The following ADAM10 variants were observed in gnomAD, a reference collection of about 807,000 sequenced individuals.
The protein encoded by ADAM10 is disintegrin and metalloproteinase domain-containing protein 10.
Under a neutral mutation model 90.1 loss-of-function variants are expected in ADAM10, and 17 were observed. That is an observed-to-expected ratio of 0.19 (90% CI 0.13 to 0.28). The LOEUF (loss-of-function observed/expected upper bound fraction) is 0.28, where lower values mean the gene tolerates loss of function less well. Among genes scored for constraint, ADAM10 ranks in the 10% least tolerant of loss-of-function variants. ADAM10 has a pLI of 1.00. For missense variants in ADAM10, 610 were observed against 914.3 expected (o/e 0.67, Z 4.29); for synonymous variants, 310 against 298.6 (o/e 1.04, Z -0.40).
At chr15:58,655,344 C>T (rs1331742679) in intron 5 of ADAM10, 1 of 154,090 alleles carries the variant, frequency 6.5e-6, no homozygotes, top group African/African-American at 2.4e-5. Context: ...TCTCAGGAAG[C>T]TTATAAGCAT....
Position 58,694,474 on chromosome 15 carries a change from G to T in ADAM10, c.207-12160C>A, listed in dbSNP as rs1287331482. Among the ~76,000 whole-genome samples, 4 of 151,922 alleles carry T rather than the reference G, an allele frequency of 2.6e-5. No homozygotes were observed. In the East Asian group the frequency reaches 7.7e-4, roughly 29 times the overall value. On this transcript the variant is annotated intron_variant, in intron 2 of 15. Coordinates refer to ENST00000260408, the MANE Select transcript of ADAM10 (RefSeq NM_001110.4). ...TCAAAACAAAAACAAAAACAAACAA[G>T]GCCAGGCGAGTTGGCTAGTGCCTGT...
chr15:58,701,446 C>T (rs570190031), intron 2 of ADAM10, among the ~76,000 whole-genome samples: 1 of 152,278 alleles, frequency 6.6e-6, no homozygotes, highest in South Asian at 2.1e-4. Context: ...TATCATCTTA[C>T]CGCAGTTAGA....
At chr15:58,715,699 A>G (rs1407169320) in intron 2 of ADAM10, among the ~76,000 whole-genome samples, 4 of 152,164 alleles carry the variant, frequency 2.6e-5, no homozygotes, top group Non-Finnish European at 5.9e-5. Flanking sequence ...GGACAACTAC[A>G]TGGCAGCCCA....
chr15:58,621,513 G>A lies in ADAM10; in HGVS notation c.1469C>T (p.Pro490Leu), dbSNP rs766141745. The A allele has an allele frequency of 2.5e-6, 4 of 1,613,898 alleles. No homozygotes were observed. In the African/African-American group the frequency reaches 4.0e-5, roughly 16 times the overall value. ...KDECCFDANQ[P>L]EGRKCKLKPG... ...TTTCAGTTTGCATTTTCTTCCCTCT[G>A]GTTGATTTGCATCGAAGCAGCATTC... The change falls in exon 11 of 16, where the codon CCA becomes CTA. Residue 490 changes from proline (P) to leucine (L), a missense_variant. Pro to Leu is a moderately conservative substitution (Grantham distance 98, BLOSUM62 -3). Transcript: ENST00000260408.
chr15:58,748,404 TTTAAG>T (rs1899859442), intron 1 of ADAM10: 1 of 152,328 alleles, frequency 6.6e-6, no homozygotes, highest in Non-Finnish European at 1.5e-5. Context: ...CCTTGAGGTT[TTTAAG>T]TTTACTCTGG....
intron 2 of ADAM10, among the ~76,000 whole-genome samples, chr15:58,697,245 G>C (rs1039651379): frequency 6.6e-6 from 1 of 152,270 alleles, no homozygotes; most frequent in Admixed American, 6.5e-5. Flanking sequence ...CCTGAGGACA[G>C]ACTACCCTGC....
intron 14 of ADAM10, among the ~76,000 whole-genome samples, chr15:58,606,555 T>TAA (rs1459845576): frequency 6.6e-6 from 1 of 152,238 alleles, no homozygotes; most frequent in Non-Finnish European, 1.5e-5. Flanking sequence ...TCTTTGTTGT[T>TAA]AAAGTTTCAT....
intron 4 of ADAM10, 92 bp downstream of exon 4, chr15:58,679,032 A>G: frequency 7.8e-7 from 1 of 1,280,974 alleles, no homozygotes; most frequent in Non-Finnish European, 1.1e-6. Flanking sequence ...TAACTCAGGA[A>G]AGAAAACAGC....
chr15:58,735,144 C>A (rs1212689430), intron 1 of ADAM10, among the ~76,000 whole-genome samples: 1 of 152,174 alleles, frequency 6.6e-6, no homozygotes, highest in Non-Finnish European at 1.5e-5. Flanking sequence ...ACAGCTTGGC[C>A]TCTGACCCAC....
intron 2 of ADAM10, among the ~76,000 whole-genome samples, chr15:58,687,427 C>T (rs1175727195): frequency 6.6e-6 from 1 of 151,954 alleles, no homozygotes; most frequent in East Asian, 1.9e-4. Flanking sequence ...AACATAAAAA[C>T]ATTACAACCT....
chr15:58,659,485 C>G (rs1439607191), intron 5 of ADAM10, among the ~76,000 whole-genome samples: 1 of 151,972 alleles, frequency 6.6e-6, no homozygotes, highest in Non-Finnish European at 1.5e-5. Flanking sequence ...GGGTTTCATC[C>G]TTTATTATGT....
chr15:58,693,386 A>G (rs376610397), intron 2 of ADAM10, among the ~76,000 whole-genome samples: 2 of 152,352 alleles, frequency 1.3e-5, no homozygotes, highest in South Asian at 2.1e-4. Flanking sequence ...ATAAAGCTAC[A>G]GTAACCAAAC....
rs756113822 is a variant in ADAM10, at chr15:58,611,158, A to G, written c.1696-51T>C. 5.2e-6 allele frequency: 7 copies of G among 1,348,260 alleles called. No homozygotes were observed. In the South Asian group the frequency reaches 5.9e-5, roughly 11 times the overall value. 83.5% of individuals were successfully genotyped at this position (1,348,260 alleles called of 1,614,324 possible). A position where few individuals can be genotyped will look rare whatever the true frequency, so the allele number is the denominator to read the frequency against. On this transcript the variant is annotated intron_variant, in intron 12 of 15. Coordinates refer to ENST00000260408, the MANE Select transcript of ADAM10 (RefSeq NM_001110.4). Reference sequence around the variant, plus strand: ...GTTTAATCCCTATACAGTCAAACCTATTTTTTATAGTAACAGACAGGCAAG... The same window carrying G: ...GTTTAATCCCTATACAGTCAAACCTGTTTTTTATAGTAACAGACAGGCAAG...
chr15:58,608,900 T>C (rs1317119396), intron 14 of ADAM10, among the ~76,000 whole-genome samples: 1 of 152,162 alleles, frequency 6.6e-6, no homozygotes, highest in African/African-American at 2.4e-5. Flanking sequence ...TCTAGCACAA[T>C]ATATACTCAG....
chr15:58,621,254 C>T (rs559118070), intron 11 of ADAM10, among the ~76,000 whole-genome samples: 1 of 124,152 alleles, frequency 8.1e-6, no homozygotes, highest in South Asian at 2.7e-4. Flanking sequence ...CAGAGCGAGA[C>T]CCTGTCTCAA....
intron 2 of ADAM10, among the ~76,000 whole-genome samples, chr15:58,704,495 G>T (rs1180729171): frequency 1.4e-4 from 22 of 152,078 alleles, no homozygotes; most frequent in Admixed American, 1.4e-3. Context: ...AAACCACAGG[G>T]CAAAAATCTT....
intron 2 of ADAM10, chr15:58,691,628 C>T (rs1385372541): frequency 7.0e-6 from 3 of 431,206 alleles, no homozygotes; most frequent in Admixed American, 5.5e-5. Context: ...TGTTATTCTC[C>T]TTGTCTTCTG....
intron 14 of ADAM10, among the ~76,000 whole-genome samples, chr15:58,604,111 T>C (rs1895195906): frequency 6.6e-6 from 1 of 152,126 alleles, no homozygotes; most frequent in Non-Finnish European, 1.5e-5. Flanking sequence ...TCTGTAATCC[T>C]AGCACTGTGG....
chr15:58,722,252 G>C (rs1475396083), intron 1 of ADAM10, among the ~76,000 whole-genome samples: 14 of 152,120 alleles, frequency 9.2e-5, no homozygotes, highest in African/African-American at 3.4e-4. Context: ...TGAGGCAGGA[G>C]AATCACTTGA....
Sources: allele counts gnomAD v4.1 joint callset (sites outside exome capture counted in the v4.1 genomes callset), GRCh38; gene constraint gnomAD v4.1.1; transcripts MANE v1.5; gene names NCBI Gene and HGNC (gene_info 2026-07-23, HGNC 2026-07-21).